RASAL2: variants seen among roughly 807,000 people sequenced by gnomAD.
RASAL2 encodes ras GTPase-activating protein nGAP.
RASAL2 carries 58 observed loss-of-function variants against 128.9 expected under a neutral mutation model. The ratio of observed to expected loss-of-function variants is 0.45; its 90% CI spans 0.36 to 0.56. RASAL2 has a LOEUF of 0.56. Among genes scored for constraint, RASAL2 ranks in the 20% least tolerant of loss-of-function variants. The pLI, the probability that RASAL2 is intolerant of heterozygous loss-of-function variation, is 0.00. For missense variants in RASAL2, 1,360 were observed against 1,601.6 expected (o/e 0.85, Z 2.57); for synonymous variants, 561 against 580.8 (o/e 0.97, Z 0.49).
chr1:178,428,951 G>C (rs1343934037), intron 5 of RASAL2, among the ~76,000 whole-genome samples: 1 of 152,086 alleles, frequency 6.6e-6, no homozygotes, highest in African/African-American at 2.4e-5. Flanking sequence ...GCAACAAAAA[G>C]ATGAGAAAGA....
At chr1:178,461,545 A>G (rs1357952872) in intron 14 of RASAL2, among the ~76,000 whole-genome samples, 2 of 152,094 alleles carry the variant, frequency 1.3e-5, no homozygotes, top group African/African-American at 4.8e-5. Context: ...TTTTTCATGT[A>G]TCATCTACTT....
intron 1 of RASAL2, among the ~76,000 whole-genome samples, chr1:178,199,530 A>G (rs1397053958): frequency 6.6e-6 from 1 of 152,266 alleles, no homozygotes; most frequent in Admixed American, 6.5e-5. Context: ...AAAATTGGAG[A>G]TAACTCAAAT....
intron 1 of RASAL2, among the ~76,000 whole-genome samples, chr1:178,148,544 G>A (rs1571546355): frequency 6.6e-6 from 1 of 151,820 alleles, no homozygotes; most frequent in Non-Finnish European, 1.5e-5. Context: ...AACCTCCTGG[G>A]CTCAGGTGAT....
intron 14 of RASAL2, among the ~76,000 whole-genome samples, chr1:178,460,303 C>CT (rs71567194): frequency 0.08 from 12,031 of 149,732 alleles, 532 homozygotes; most frequent in Middle Eastern, 0.15. Flanking sequence ...AATAAAGATT[C>CT]TTTTTTTTTT....
chr1:178,239,037 T>C (rs1335203355), intron 1 of RASAL2, among the ~76,000 whole-genome samples: 1 of 152,106 alleles, frequency 6.6e-6, no homozygotes, highest in African/African-American at 2.4e-5. Context: ...GTCATTCTCA[T>C]GTGGAATTTT....
chr1:178,254,450 A>G (rs982420776), intron 1 of RASAL2, among the ~76,000 whole-genome samples: 7 of 152,216 alleles, frequency 4.6e-5, no homozygotes, highest in African/African-American at 1.4e-4. Flanking sequence ...GAAATTATTG[A>G]AACTTATAAA....
intron 1 of RASAL2, among the ~76,000 whole-genome samples, chr1:178,223,154 G>A (rs1346788078): frequency 3.9e-5 from 6 of 152,112 alleles, no homozygotes; most frequent in Admixed American, 1.3e-4. Flanking sequence ...TATTTATTGT[G>A]TGCTTACAAT....
intron 1 of RASAL2, among the ~76,000 whole-genome samples, chr1:178,155,337 T>G (rs1474558148): frequency 1.3e-5 from 2 of 152,060 alleles, no homozygotes; most frequent in East Asian, 3.8e-4. Flanking sequence ...TAATAAAATT[T>G]TTAAATTATT....
chr1:178,096,488 AAGAG>A (rs1025729343), intron 1 of RASAL2, among the ~76,000 whole-genome samples: 1 of 123,882 alleles, frequency 8.1e-6, no homozygotes, highest in African/African-American at 2.8e-5. Flanking sequence ...GTGTGTGTGT[AAGAG>A]AGAGAGAGAG....
At chr1:178,449,971 T>C (rs1271480666) in intron 9 of RASAL2, among the ~76,000 whole-genome samples, 2 of 151,990 alleles carry the variant, frequency 1.3e-5, no homozygotes, top group Non-Finnish European at 2.9e-5. Context: ...GTTTGGCCAG[T>C]TTTTACATGG....
At chr1:178,322,266 A>T (rs997790429) in intron 3 of RASAL2, among the ~76,000 whole-genome samples, 1 of 152,018 alleles carries the variant, frequency 6.6e-6, no homozygotes, top group African/African-American at 2.4e-5. Context: ...GCCTCACCGT[A>T]CTTTTTAAAA....
intron 1 of RASAL2, among the ~76,000 whole-genome samples, chr1:178,238,465 A>C (rs1316957214): frequency 2.0e-5 from 3 of 152,142 alleles, no homozygotes; most frequent in African/African-American, 7.2e-5. Context: ...CTGCCTCCAG[A>C]ATAATGATTT....
At chr1:178,464,844 T>G (rs1396986536) in intron 15 of RASAL2, among the ~76,000 whole-genome samples, 2 of 147,380 alleles carry the variant, frequency 1.4e-5, no homozygotes, top group East Asian at 1.9e-4. Context: ...TTTTTTTTTT[T>G]TTTTTTTTTT....
At chr1:178,095,489 G>A (rs529137185) in intron 1 of RASAL2, among the ~76,000 whole-genome samples, 14 of 152,230 alleles carry the variant, frequency 9.2e-5, no homozygotes, top group Non-Finnish European at 1.5e-4. Context: ...ATATTGAAAC[G>A]GCAAGATGTT....
At chr1:178,410,649 A>G (rs1674302496) in intron 4 of RASAL2, among the ~76,000 whole-genome samples, 1 of 152,132 alleles carries the variant, frequency 6.6e-6, no homozygotes, top group Admixed American at 6.5e-5. Context: ...TCCAGAATCT[A>G]CCAGGAACTC....
chr1:178,136,051 A>C (rs891921063), intron 1 of RASAL2, among the ~76,000 whole-genome samples: 1 of 152,222 alleles, frequency 6.6e-6, no homozygotes, highest in Non-Finnish European at 1.5e-5. Context: ...TCTGTAGAAT[A>C]AATAGCTATT....
At chr1:178,296,063 GTGTATA>G in intron 2 of RASAL2, among the ~76,000 whole-genome samples, 1 of 151,870 alleles carries the variant, frequency 6.6e-6, no homozygotes, top group East Asian at 1.9e-4. Context: ...ATATATGTGT[GTGTATA>G]TGTATGTGTA....
intron 1 of RASAL2, among the ~76,000 whole-genome samples, chr1:178,129,016 TAACATACATATGTTTTATATAGTATG>T (rs1660000920): frequency 6.6e-6 from 1 of 150,984 alleles, no homozygotes; most frequent in African/African-American, 2.5e-5. Flanking sequence ...GTTTTTATGT[TAACATACATATGTTTTATATAGTATG>T]AACATACGTA....
intron 3 of RASAL2, among the ~76,000 whole-genome samples, chr1:178,340,379 C>A (rs1669807716): frequency 6.6e-6 from 1 of 151,966 alleles, no homozygotes. Context: ...CAACTGAGCA[C>A]CTGCATAATA....
Sources: allele counts gnomAD v4.1 joint callset (sites outside exome capture counted in the v4.1 genomes callset), GRCh38; gene constraint gnomAD v4.1.1; transcripts MANE v1.5; gene names NCBI Gene and HGNC (gene_info 2026-07-23, HGNC 2026-07-21).